HERC3: variants seen among roughly 807,000 people sequenced by gnomAD.
HERC3 encodes the protein probable E3 ubiquitin-protein ligase HERC3.
A neutral mutation model predicts 129.9 loss-of-function variants in HERC3; 58 were observed. That is an observed-to-expected ratio of 0.45 (90% CI 0.36 to 0.56). The LOEUF (loss-of-function observed/expected upper bound fraction) is 0.56. HERC3 is among the 20% of genes least tolerant of loss of function. The pLI is 0.00. For synonymous variants in HERC3, 430 were observed against 451.0 expected (o/e 0.95, Z 0.59); for missense variants, 835 against 1,244.2 (o/e 0.67, Z 4.95).
intron 3 of HERC3, among the ~76,000 whole-genome samples, chr4:88,626,876 T>C (rs1158500041): frequency 1.5e-5 from 2 of 137,674 alleles, no homozygotes; most frequent in Admixed American, 7.1e-5. Context: ...ATTATTCTTT[T>C]TGTTTGTTTT....
intron 10 of HERC3, 149 bp downstream of exon 10, chr4:88,658,640 A>G (rs1263299567): frequency 1.0e-5 from 5 of 479,902 alleles, no homozygotes; most frequent in Non-Finnish European, 1.5e-5. Flanking sequence ...CTAAATCTGG[A>G]AGAAGTTGTC....
the HERC3 span, among the ~76,000 whole-genome samples, chr4:88,560,381 A>G: frequency 6.6e-6 from 1 of 152,168 alleles, no homozygotes; most frequent in Non-Finnish European, 1.5e-5. Context: ...GATCATTGTT[A>G]TATCTTCTTT....
At chr4:88,546,667 A>G in the HERC3 span, among the ~76,000 whole-genome samples, 35 of 152,282 alleles carry the variant, frequency 2.3e-4, no homozygotes, top group African/African-American at 7.0e-4. Context: ...GTGCGCCACC[A>G]TGCCTGGCTA....
the HERC3 span, among the ~76,000 whole-genome samples, chr4:88,534,139 G>C: frequency 3.3e-5 from 5 of 152,154 alleles, no homozygotes; most frequent in Admixed American, 3.3e-4. Flanking sequence ...TACTGAATAG[G>C]AGGCTTGAAA....
At chr4:88,621,589 G>A (rs1725527833) in intron 3 of HERC3, among the ~76,000 whole-genome samples, 2 of 152,026 alleles carry the variant, frequency 1.3e-5, no homozygotes, top group African/African-American at 4.8e-5. Flanking sequence ...TTCTAGACAG[G>A]ATCACACAGT....
intron 3 of HERC3, among the ~76,000 whole-genome samples, chr4:88,631,070 A>C (rs2915433): frequency 6.6e-6 from 1 of 152,166 alleles, no homozygotes; most frequent in Non-Finnish European, 1.5e-5. Context: ...TAAGAAGAAC[A>C]TATATTCAGA....
chr4:88,574,720 G>T, the HERC3 span, among the ~76,000 whole-genome samples: 1 of 152,164 alleles, frequency 6.6e-6, no homozygotes, highest in Admixed American at 6.5e-5. Context: ...ATGTCCTCAA[G>T]GTTCATCCAT....
chr4:88,656,260 C>A, intron 9 of HERC3: 1 of 541,528 alleles, frequency 1.8e-6, no homozygotes, highest in South Asian at 2.6e-5. Flanking sequence ...GCCGTTCTTG[C>A]ATTGCTGTAA....
At chr4:88,649,784 A>G in intron 3 of HERC3, 56 bp from the exon 4 acceptor site, 1 of 1,450,904 alleles carries the variant, frequency 6.9e-7, no homozygotes, top group Non-Finnish European at 9.6e-7. Context: ...GTGTAATGGT[A>G]GCAGTATTCC....
chr4:88,630,532 C>G (rs757370139), intron 3 of HERC3, among the ~76,000 whole-genome samples: 2 of 152,034 alleles, frequency 1.3e-5, no homozygotes, highest in African/African-American at 2.4e-5. Flanking sequence ...CCAAGCAGGC[C>G]GTGGTTGTAT....
At chr4:88,703,643 G>C (rs1167040650) in intron 23 of HERC3, among the ~76,000 whole-genome samples, 1 of 152,158 alleles carries the variant, frequency 6.6e-6, no homozygotes, top group Non-Finnish European at 1.5e-5. Flanking sequence ...GTTATAAAAT[G>C]AACCTTTTAA....
At chr4:88,647,799 A>G (rs1216555806) in intron 3 of HERC3, among the ~76,000 whole-genome samples, 1 of 145,332 alleles carries the variant, frequency 6.9e-6, no homozygotes, top group African/African-American at 2.5e-5. Flanking sequence ...TATCATTTCA[A>G]CTCTTTAGCT....
chr4:88,626,522 CAAGGTATAT>C (rs1393766251), intron 3 of HERC3, among the ~76,000 whole-genome samples: 2 of 151,976 alleles, frequency 1.3e-5, no homozygotes, highest in Non-Finnish European at 2.9e-5. Flanking sequence ...ATGGTATGTT[CAAGGTATAT>C]AAGGTGACAT....
At chr4:88,527,690 C>A in the HERC3 span, 1 of 304,616 alleles carries the variant, frequency 3.3e-6, no homozygotes. Flanking sequence ...ATCGTGGTCT[C>A]CATTATCACG....
the HERC3 span, among the ~76,000 whole-genome samples, chr4:88,551,993 A>G: frequency 6.6e-6 from 1 of 152,056 alleles, no homozygotes; most frequent in South Asian, 2.1e-4. Context: ...AGGGACATGG[A>G]TGAAATTGGA....
the HERC3 span, among the ~76,000 whole-genome samples, chr4:88,532,120 T>C: frequency 1.3e-5 from 2 of 152,094 alleles, no homozygotes; most frequent in Non-Finnish European, 2.9e-5. Flanking sequence ...ATAAAATATG[T>C]AAATCACTTA....
At chr4:88,656,181 T>C (rs1729875466) in intron 9 of HERC3, 146 bp downstream of exon 9, 2 of 712,838 alleles carry the variant, frequency 2.8e-6, no homozygotes, top group Admixed American at 5.8e-5. Flanking sequence ...ATTTCTGTAC[T>C]TACTATGCAT....
the HERC3 span, among the ~76,000 whole-genome samples, chr4:88,552,877 G>A: frequency 6.6e-6 from 1 of 151,634 alleles, no homozygotes; most frequent in Non-Finnish European, 1.5e-5. Flanking sequence ...TTCGGTATGT[G>A]GTGATATCTT....
intron 3 of HERC3, among the ~76,000 whole-genome samples, chr4:88,643,390 AT>A (rs1400463157): frequency 1.3e-5 from 2 of 152,232 alleles, no homozygotes; most frequent in Non-Finnish European, 2.9e-5. Context: ...AGACAAGCCA[AT>A]TATAATGTTT....
Sources: gnomAD v4.1 joint callset for allele counts (sites outside exome capture counted in the v4.1 genomes callset) on GRCh38, gnomAD v4.1.1 for gene constraint, MANE v1.5 for transcripts, NCBI Gene and HGNC (gene_info 2026-07-23, HGNC 2026-07-21) for gene names.